DMRT1: variants seen among roughly 807,000 people sequenced by gnomAD.
The protein encoded by DMRT1 is doublesex- and mab-3-related transcription factor 1.
Under a neutral mutation model 32.3 loss-of-function variants are expected in DMRT1, and 7 were observed. That is an observed-to-expected ratio of 0.22 (90% CI 0.12 to 0.41). The LOEUF (loss-of-function observed/expected upper bound fraction) is 0.41. DMRT1 is among the 10% of genes least tolerant of loss of function. The pLI is 1.00. For missense variants in DMRT1, 625 were observed against 500.5 expected (o/e 1.25, Z -2.37); for synonymous variants, 278 against 206.1 (o/e 1.35, Z -2.99).
chr9:949,553 T>G (rs1345413708), intron 4 of DMRT1, among the ~76,000 whole-genome samples: 1 of 152,196 alleles, frequency 6.6e-6, no homozygotes, highest in Non-Finnish European at 1.5e-5. Context: ...CTGTCTGCTT[T>G]ATTATTTTGT....
intron 2 of DMRT1, among the ~76,000 whole-genome samples, chr9:878,206 C>CCA (rs1554749501): frequency 2.5e-5 from 3 of 117,990 alleles, no homozygotes; most frequent in African/African-American, 9.5e-5. Context: ...TGCTGCCCCC[C>CCA]CCCCACCCAA....
intron 4 of DMRT1, among the ~76,000 whole-genome samples, chr9:931,322 C>G (rs1208029111): frequency 6.6e-6 from 1 of 152,214 alleles, no homozygotes; most frequent in Non-Finnish European, 1.5e-5. Context: ...AATATCTATT[C>G]TGTCTCATTT....
intron 4 of DMRT1, among the ~76,000 whole-genome samples, chr9:924,476 T>C (rs1818459014): frequency 6.6e-6 from 1 of 152,236 alleles, no homozygotes; most frequent in African/African-American, 2.4e-5. Context: ...TGTAAAAGTA[T>C]GGCAGAATCT....
chr9:927,827 T>C (rs1818577536), intron 4 of DMRT1, among the ~76,000 whole-genome samples: 1 of 152,210 alleles, frequency 6.6e-6, no homozygotes, highest in Non-Finnish European at 1.5e-5. Flanking sequence ...GCTTTGATTT[T>C]GCTATGTGTG....
chr9:856,083 A>C (rs1564199375), intron 2 of DMRT1, among the ~76,000 whole-genome samples: 1 of 151,456 alleles, frequency 6.6e-6, no homozygotes, highest in Admixed American at 6.6e-5. Flanking sequence ...TGCCCAGCTA[A>C]TTTTTGTATT....
intron 2 of DMRT1, among the ~76,000 whole-genome samples, chr9:887,633 C>A (rs1816983026): frequency 6.6e-6 from 1 of 152,136 alleles, no homozygotes; most frequent in African/African-American, 2.4e-5. Context: ...CTGTTGACCT[C>A]CCTCATGACT....
chr9:896,002 A>G (rs1817344560), intron 3 of DMRT1, among the ~76,000 whole-genome samples: 1 of 151,582 alleles, frequency 6.6e-6, no homozygotes, highest in Non-Finnish European at 1.5e-5. Flanking sequence ...ACGGGGTTTC[A>G]CCATGGTGGC....
intron 2 of DMRT1, among the ~76,000 whole-genome samples, chr9:866,300 A>G (rs763047166): frequency 2.0e-5 from 3 of 152,094 alleles, no homozygotes; most frequent in African/African-American, 2.4e-5. Flanking sequence ...TCGTCAGGAC[A>G]TTGCATATCA....
chr9:927,627 C>A (rs1385116181), intron 4 of DMRT1, among the ~76,000 whole-genome samples: 1 of 152,156 alleles, frequency 6.6e-6, no homozygotes, highest in East Asian at 1.9e-4. Context: ...TATATATAGG[C>A]ATATACTTCC....
intron 3 of DMRT1, among the ~76,000 whole-genome samples, chr9:903,277 A>G (rs754555868): frequency 1.6e-4 from 23 of 141,596 alleles, no homozygotes; most frequent in Non-Finnish European, 3.3e-4. Flanking sequence ...CCCCACCCAC[A>G]TTACTCCTCT....
At chr9:915,596 G>T (rs1161161121) in intron 3 of DMRT1, among the ~76,000 whole-genome samples, 1 of 152,144 alleles carries the variant, frequency 6.6e-6, no homozygotes, top group African/African-American at 2.4e-5. Context: ...CCAGAATTCA[G>T]ATCTCAGACT....
chr9:911,483 T>TG lies in DMRT1; in HGVS notation c.823-5280_823-5279insG, dbSNP rs1817982751. ...TGGGTTAATTGCATTTTTTTTTTTT[T>TG]TTTTTTTTTTTTTTTTTTTTTTTTT... On this transcript the variant is annotated intron_variant, in intron 3 of 4. Transcript: ENST00000382276. Among the ~76,000 whole-genome samples, 141 of 72,884 alleles carry TG rather than the reference T, an allele frequency of 1.9e-3. 2 individuals carry two copies. Among genetic ancestry groups the TG allele is most frequent in the African/African-American group, 0.011 (137 of 12,408 alleles). 47.8% of individuals were successfully genotyped at this position (72,884 alleles called of 152,430 possible).
intron 2 of DMRT1, among the ~76,000 whole-genome samples, chr9:862,274 C>CTGGT (rs1815745530): frequency 1.3e-5 from 2 of 152,274 alleles, no homozygotes; most frequent in South Asian, 4.1e-4. Context: ...CCGAGGCTGG[C>CTGGT]AGACCACTCG....
chr9:915,842 C>T (rs964943090), intron 3 of DMRT1, among the ~76,000 whole-genome samples: 1 of 151,938 alleles, frequency 6.6e-6, no homozygotes, highest in Admixed American at 6.6e-5. Flanking sequence ...ACGCCATTCT[C>T]CTGCCTCAGC....
intron 3 of DMRT1, among the ~76,000 whole-genome samples, chr9:909,651 C>G (rs1430075253): frequency 6.6e-6 from 1 of 152,112 alleles, no homozygotes. Context: ...AAAGGTTTAC[C>G]CCAAATACAG....
chr9:846,895 C>A, intron 1 of DMRT1, 65 bp from the exon 2 acceptor site: 2 of 1,592,112 alleles, frequency 1.3e-6, no homozygotes. Context: ...ATGGGTGGGG[C>A]TTCTGTGTTT....
At chr9:959,183 C>G (rs1221019031) in intron 4 of DMRT1, among the ~76,000 whole-genome samples, 3 of 151,926 alleles carry the variant, frequency 2.0e-5, no homozygotes, top group Admixed American at 1.3e-4. Context: ...CTTTGCCCAG[C>G]CTGCCTTCGT....
chr9:900,001 G>A (rs57427528), intron 3 of DMRT1, among the ~76,000 whole-genome samples: 6,547 of 152,292 alleles, frequency 0.043, 157 homozygotes, highest in African/African-American at 0.053. Context: ...GTCCATTGAC[G>A]ATAAGGCACC....
intron 4 of DMRT1, among the ~76,000 whole-genome samples, chr9:943,356 G>A (rs1013261640): frequency 2.0e-5 from 3 of 152,198 alleles, no homozygotes; most frequent in African/African-American, 7.2e-5. Flanking sequence ...GAGCCCTGGG[G>A]CAGGAAGTGA....
Sources: allele counts gnomAD v4.1 joint callset (sites outside exome capture counted in the v4.1 genomes callset), GRCh38; gene constraint gnomAD v4.1.1; transcripts MANE v1.5; gene names NCBI Gene and HGNC (gene_info 2026-07-23, HGNC 2026-07-21).